MYH14: variants seen among roughly 807,000 people sequenced by gnomAD.
MYH14 encodes myosin heavy chain 14, also known as myosin-14.
Under a neutral mutation model 255.5 loss-of-function variants are expected in MYH14, and 123 were observed. The ratio of observed to expected loss-of-function variants is 0.48; its 90% CI spans 0.42 to 0.56. The LOEUF is 0.56. Ranked by LOEUF, MYH14 falls within the 20% of genes least tolerant of loss-of-function variation. The pLI, the probability that MYH14 is intolerant of heterozygous loss-of-function variation, is 0.00. For synonymous variants in MYH14, 1,095 were observed against 1,161.2 expected, an observed-to-expected ratio of 0.94 and a Z score of 1.16; for missense variants, 2,423 against 2,802.3, an observed-to-expected ratio of 0.86 and a Z score of 3.06.
chr19:50,286,732 A>G, intron 34 of MYH14, 38 bp downstream of exon 34: 1 of 1,525,050 alleles, frequency 6.6e-7, no homozygotes, highest in East Asian at 2.4e-5. Flanking sequence ...ACACTGGGTG[A>G]GGGGAGACAC....
Position 50,307,059 on chromosome 19 carries a change from C to T in MYH14, c.5689C>T (p.Leu1897Phe). The T allele has an allele frequency of 1.3e-6, 2 of 1,550,698 alleles. No homozygotes were observed. The highest frequency in any genetic ancestry group is 1.7e-6 in the Non-Finnish European group (2 of 1,146,508). ...CATCCCTCTCTTCAGAGAGCGCATCCTCTCTGGAAAGCTGGTGCGCAGAGC... is the reference window on the plus strand; with the variant it reads ...CATCCCTCTCTTCAGAGAGCGCATCTTCTCTGGAAAGCTGGTGCGCAGAGC... ...QLEQETRERI[L>F]SGKLVRRAEK... The change falls in exon 41 of 43, where the codon CTC becomes TTC. Residue 1897 changes from leucine (L) to phenylalanine (F), a missense_variant. By Grantham distance (22) the Leu-to-Phe change is conservative. Coordinates refer to ENST00000642316, the MANE Select transcript of MYH14 (RefSeq NM_001145809.2).
intron 11 of MYH14, 62 bp from the exon 12 acceptor site, chr19:50,246,942 C>T: frequency 8.1e-7 from 1 of 1,241,120 alleles, no homozygotes; most frequent in Non-Finnish European, 1.1e-6. Flanking sequence ...TACCCTCTCC[C>T]TTGCTGGGCA....
intron 11 of MYH14, among the ~76,000 whole-genome samples, chr19:50,244,843 T>TA (rs2034039470): frequency 1.3e-5 from 2 of 152,104 alleles, no homozygotes; most frequent in Non-Finnish European, 2.9e-5. Context: ...TTCCTGATTC[T>TA]AAAAGCGTGA....
At chr19:50,227,377 A>AT (rs1322230739) in intron 8 of MYH14, among the ~76,000 whole-genome samples, 1 of 152,142 alleles carries the variant, frequency 6.6e-6, no homozygotes, top group Admixed American at 6.5e-5. Flanking sequence ...AACACTTATG[A>AT]AATGCTGTCC....
chr19:50,307,283 T>C, intron 41 of MYH14, 126 bp downstream of exon 41: 2 of 619,254 alleles, frequency 3.2e-6, no homozygotes, highest in Non-Finnish European at 5.8e-6. Flanking sequence ...GGACTGGAAC[T>C]GAATGCAGAT....
rs771510184 is a variant in MYH14 at position 50,276,849 on chromosome 19, G to A, written c.3773G>A (p.Arg1258His). ...HEAAVQELRQ[R>H]HGQALGELAE... ...GCGGCAGTGCAGGAGCTGAGGCAGC[G>A]CCACGGCCAGGCCCTGGGGGAGCTG... Residue 1258 changes from arginine to histidine, a missense_variant, in exon 29 of 43, where the codon CGC becomes CAC. This residue lies in a region of MYH14 where 1,513 missense variants were observed against 1,674.8 expected (regional missense o/e 0.90). Transcript: ENST00000642316. This position sits in a 1 kb window ranked among gnomAD's most constrained non-coding sequence, Gnocchi z 4.3. 1.2e-5 allele frequency: 19 copies of A among 1,596,664 alleles called. No homozygotes were observed. Among genetic ancestry groups the A allele is most frequent in the South Asian group, 8.8e-5 (8 of 90,770 alleles).
chr19:50,254,242 A>G (rs1427313395), intron 16 of MYH14, among the ~76,000 whole-genome samples: 1 of 152,120 alleles, frequency 6.6e-6, no homozygotes, highest in Non-Finnish European at 1.5e-5. Flanking sequence ...AGGAAAAAAA[A>G]AGAAAACAAA....
chr19:50,307,847 C>G (rs949877300), intron 41 of MYH14, among the ~76,000 whole-genome samples: 1 of 152,204 alleles, frequency 6.6e-6, no homozygotes, highest in Non-Finnish European at 1.5e-5. Context: ...TCCCTCTGCC[C>G]TTAAAAGCTC....
intron 11 of MYH14, among the ~76,000 whole-genome samples, chr19:50,246,080 T>A (rs555196063): frequency 4.1e-5 from 5 of 122,814 alleles, no homozygotes; most frequent in Admixed American, 3.6e-4. Flanking sequence ...TCTACTGGGA[T>A]TCCCCCCCTC....
chr19:50,240,297 A>G (rs1174966282), intron 10 of MYH14, among the ~76,000 whole-genome samples: 1 of 152,150 alleles, frequency 6.6e-6, no homozygotes, highest in African/African-American at 2.4e-5. Context: ...AACCTATGCT[A>G]CGCCGGCACG....
intron 27 of MYH14, among the ~76,000 whole-genome samples, chr19:50,273,281 A>G (rs1042143113): frequency 8.2e-6 from 1 of 122,306 alleles, no homozygotes; most frequent in African/African-American, 3.3e-5. Flanking sequence ...ACAGAGCAAG[A>G]CTATGTCTCA....
At position 50,309,912 on chromosome 19, in the gene MYH14, A is replaced by C. The variant is rs12978083; in HGVS notation, c.*122A>C. 0.4 allele frequency: 403,544 copies of C among 1,020,802 alleles called. 86,283 individuals are homozygous for C. Among genetic ancestry groups the C allele is most frequent in the Non-Finnish European group, 0.44 (293,988 of 665,530 alleles). 63.2% of individuals were successfully genotyped at this position (1,020,802 alleles called of 1,614,324 possible). ...TCTTGCCCTTTGGAAATGGTGCAGC[A>C]CTCTGGCATTTATCACCCCCACCTG... On this transcript the variant is annotated 3_prime_UTR_variant, in exon 43 of 43. Transcript: ENST00000642316.
At chr19:50,244,153 A>T in intron 10 of MYH14, 89 bp from the exon 11 acceptor site, 2 of 1,160,256 alleles carry the variant, frequency 1.7e-6, no homozygotes, top group African/African-American at 1.5e-5. Flanking sequence ...AATTTGCCTT[A>T]AGCTTTTTAA....
intron 1 of MYH14, among the ~76,000 whole-genome samples, chr19:50,206,077 C>T (rs1001695488): frequency 2.0e-5 from 3 of 152,168 alleles, no homozygotes; most frequent in African/African-American, 4.8e-5. Context: ...GTCAGAGAGG[C>T]TCGGCCACTT....
At chr19:50,292,428 G>A (rs750890973) in intron 37 of MYH14, 39 bp downstream of exon 37, 3 of 1,526,808 alleles carry the variant, frequency 2.0e-6, no homozygotes, top group Non-Finnish European at 2.6e-6. Context: ...ACAGGAAGCT[G>A]GGAGGTGGGC....
chr19:50,227,006 G>T (rs1313140454), intron 8 of MYH14, 40 bp downstream of exon 8: 11 of 1,604,086 alleles, frequency 6.9e-6, no homozygotes, highest in South Asian at 1.1e-5. Context: ...GCCAAGGGGG[G>T]CAGCCTTTCA....
At chr19:50,270,472 G>C (rs934608619) in intron 24 of MYH14, among the ~76,000 whole-genome samples, 3 of 142,018 alleles carry the variant, frequency 2.1e-5, no homozygotes, top group African/African-American at 7.9e-5. Context: ...AGTGAGCCAA[G>C]ACTGCACCAT....
chr19:50,271,562 G>A lies in MYH14; in HGVS notation c.3171+16G>A, dbSNP rs2035302263. On this transcript the variant is annotated intron_variant, in intron 25 of 42. Coordinates refer to ENST00000642316, the MANE Select transcript of MYH14 (RefSeq NM_001145809.2). ...GCTGAGCAAGGTTGGGGGCCTGAGG[G>A]CAGCTGGGAAAGTGGGGATGGGGTG... 1.9e-6 allele frequency: 3 copies of A among 1,600,380 alleles called. No homozygotes were observed. In the African/African-American group the frequency reaches 4.0e-5, roughly 21 times the overall value.
intron 6 of MYH14, chr19:50,224,725 GC>G (rs2123209353): frequency 2.2e-6 from 1 of 451,064 alleles, no homozygotes; most frequent in East Asian, 7.0e-5. Context: ...GCCTGGTGGG[GC>G]TAGGAACCCA....
Sources: allele counts gnomAD v4.1 joint callset (sites outside exome capture counted in the v4.1 genomes callset), GRCh38; gene constraint gnomAD v4.1.1; regional missense constraint gnomAD v4.1.1; non-coding constraint Gnocchi (gnomAD v3.1); transcripts MANE v1.5; gene names NCBI Gene and HGNC (gene_info 2026-07-23, HGNC 2026-07-21).